The following EXOC2 variants were observed in gnomAD, a reference collection of about 807,000 sequenced individuals.
EXOC2 encodes exocyst complex component 2.
Under a neutral mutation model 131.8 loss-of-function variants are expected in EXOC2, and 70 were observed. The observed-to-expected ratio is 0.53, with a 90% CI of 0.44 to 0.65. The LOEUF (loss-of-function observed/expected upper bound fraction) is 0.65, where lower values mean the gene tolerates loss of function less well. Ranked by LOEUF, EXOC2 falls within the 30% of genes least tolerant of loss-of-function variation. EXOC2 has a pLI of 0.00. For synonymous variants in EXOC2, 411 were observed against 398.4 expected (o/e 1.03, Z -0.38); for missense variants, 923 against 1,108.6 (o/e 0.83, Z 2.38).
At chr6:571,754 G>A (rs544580805) in intron 13 of EXOC2, among the ~76,000 whole-genome samples, 26 of 151,306 alleles carry the variant, frequency 1.7e-4, no homozygotes, top group African/African-American at 5.4e-4. Context: ...GTGTAGAGTC[G>A]GTCTCCTGCA....
chr6:602,875 C>G (rs1760179552), intron 7 of EXOC2, among the ~76,000 whole-genome samples: 1 of 152,172 alleles, frequency 6.6e-6, no homozygotes, highest in South Asian at 2.1e-4. Context: ...GCATTACACA[C>G]CAGTCGGTGG....
chr6:541,597 T>C (rs542935038), intron 22 of EXOC2, among the ~76,000 whole-genome samples: 161 of 135,210 alleles, frequency 1.2e-3, no homozygotes, highest in Admixed American at 2.7e-3. Flanking sequence ...AAACAAGCGA[T>C]AGTAAGTACA....
intron 22 of EXOC2, among the ~76,000 whole-genome samples, chr6:538,954 C>A (rs1372867676): frequency 1.3e-5 from 2 of 151,926 alleles, no homozygotes; most frequent in East Asian, 3.9e-4. Flanking sequence ...TGCCTGTAAT[C>A]CCAGCTACTA....
chr6:644,813 T>C (rs1208853392), intron 1 of EXOC2, among the ~76,000 whole-genome samples: 2 of 152,134 alleles, frequency 1.3e-5, no homozygotes, highest in African/African-American at 4.8e-5. Context: ...CATTAAAAAC[T>C]ACAATATACT....
chr6:663,975 TAA>T (rs1235716919), intron 1 of EXOC2, among the ~76,000 whole-genome samples: 1 of 152,150 alleles, frequency 6.6e-6, no homozygotes, highest in Non-Finnish European at 1.5e-5. Flanking sequence ...TCCAAATCGG[TAA>T]AGAGGAAGTC....
intron 23 of EXOC2, among the ~76,000 whole-genome samples, chr6:504,957 A>G (rs955703418): frequency 6.6e-6 from 1 of 152,202 alleles, no homozygotes; most frequent in Admixed American, 6.5e-5. Context: ...CAGTTGACTA[A>G]AAAGCATAAT....
At chr6:595,224 T>A (rs1466603513) in intron 10 of EXOC2, among the ~76,000 whole-genome samples, 2 of 152,038 alleles carry the variant, frequency 1.3e-5, no homozygotes, top group African/African-American at 4.8e-5. Flanking sequence ...ATAGTGGTAA[T>A]CTGATTTTCC....
chr6:536,763 C>T (rs1581388162), intron 22 of EXOC2, among the ~76,000 whole-genome samples: 1 of 152,074 alleles, frequency 6.6e-6, no homozygotes, highest in Admixed American at 6.5e-5. Flanking sequence ...GACATTGAAG[C>T]AGGTAAAGAT....
At chr6:592,049 T>G (rs538970338) in intron 11 of EXOC2, among the ~76,000 whole-genome samples, 1 of 152,288 alleles carries the variant, frequency 6.6e-6, no homozygotes, top group African/African-American at 2.4e-5. Flanking sequence ...AGCATTTTAT[T>G]TGGTTAGTTA....
intron 1 of EXOC2, among the ~76,000 whole-genome samples, chr6:654,803 C>A (rs1432506993): frequency 1.7e-4 from 5 of 29,558 alleles, no homozygotes; most frequent in Non-Finnish European, 2.8e-4. Flanking sequence ...GACCCTGTCT[C>A]AAAAAAAAAA....
chr6:668,823 A>G (rs1763730458), intron 1 of EXOC2, among the ~76,000 whole-genome samples: 1 of 152,224 alleles, frequency 6.6e-6, no homozygotes, highest in South Asian at 2.1e-4. Flanking sequence ...AATCATCTCT[A>G]GATTACTTAT....
chr6:530,517 G>A (rs1414553591), intron 23 of EXOC2, among the ~76,000 whole-genome samples: 2 of 152,198 alleles, frequency 1.3e-5, no homozygotes, highest in East Asian at 3.8e-4. Flanking sequence ...AATGGAGGTA[G>A]GCCAATGCGA....
At chr6:608,905 G>T (rs765094115) in intron 7 of EXOC2, among the ~76,000 whole-genome samples, 49 of 152,268 alleles carry the variant, frequency 3.2e-4, no homozygotes, top group Non-Finnish European at 5.9e-4. Flanking sequence ...TAAAATGTCT[G>T]ACTATGCTAA....
intron 1 of EXOC2, among the ~76,000 whole-genome samples, chr6:650,586 C>T (rs1278994566): frequency 3.3e-5 from 5 of 152,192 alleles, no homozygotes; most frequent in Non-Finnish European, 5.9e-5. Flanking sequence ...CGTATCTCTG[C>T]AGATTAGGGA....
At position 506,712 on chromosome 6, in the gene EXOC2, A is replaced by G. The variant is rs1423010394; in HGVS notation, c.2381-7012T>C. Among the ~76,000 whole-genome samples, 1 of 152,052 alleles carries G rather than the reference A, an allele frequency of 6.6e-6. No homozygotes were observed. The highest frequency in any genetic ancestry group is 1.5e-5 in the Non-Finnish European group (1 of 68,006). On this transcript the variant is annotated intron_variant, in intron 23 of 27. Coordinates refer to ENST00000230449, the MANE Select transcript of EXOC2 (RefSeq NM_018303.6). This position sits in a 1 kb window ranked among gnomAD's most constrained non-coding sequence, Gnocchi z 4.4. ...CAATTAATCTAGTAGCCCCGTGTGG[A>G]AATTCCCCATGGAGAAAACAAGGCT...
chr6:620,815 C>T (rs547202469), intron 4 of EXOC2, among the ~76,000 whole-genome samples: 45 of 152,270 alleles, frequency 3.0e-4, no homozygotes, highest in African/African-American at 7.5e-4. Context: ...GCAGCTCTCT[C>T]GTAGAGGTTA....
rs145392800 is a variant in EXOC2 at position 588,664 on chromosome 6, A to G, written c.1192+3805T>C. Among the ~76,000 whole-genome samples, 18 of 152,322 alleles carry G rather than the reference A, an allele frequency of 1.2e-4. No individual in the cohort carries two copies. In the East Asian group the frequency reaches 2.1e-3, roughly 18 times the overall value. On this transcript the variant is annotated intron_variant, in intron 11 of 27. Transcript: ENST00000230449. ...CACCGCACCGGCCCTTCACTTTCTA[A>G]TGAAAAGATGAAGTAATGAAAGTAA...
chr6:612,791 G>A (rs1286301328), intron 6 of EXOC2, among the ~76,000 whole-genome samples: 2 of 149,428 alleles, frequency 1.3e-5, no homozygotes, highest in East Asian at 2.0e-4. Flanking sequence ...AGGAACATGC[G>A]TAATTTAGTC....
chr6:657,734 A>T (rs1394628425), intron 1 of EXOC2, among the ~76,000 whole-genome samples: 1 of 150,342 alleles, frequency 6.7e-6, no homozygotes, highest in Admixed American at 6.7e-5. Flanking sequence ...GGGTAGTAGC[A>T]ATCTGTTTTA....
Sources: gnomAD v4.1 joint callset for allele counts (sites outside exome capture counted in the v4.1 genomes callset) on GRCh38, gnomAD v4.1.1 for gene constraint, Gnocchi (gnomAD v3.1) non-coding constraint, MANE v1.5 for transcripts, NCBI Gene and HGNC (gene_info 2026-07-23, HGNC 2026-07-21) for gene names.